Variants in SCN8A observed in about 807,000 individuals in gnomAD.
SCN8A encodes the protein sodium channel protein type 8 subunit alpha.
A neutral mutation model predicts 184.1 loss-of-function variants in SCN8A; 30 were observed. That is an observed-to-expected ratio of 0.16 (90% CI 0.12 to 0.22). The LOEUF is 0.22. SCN8A is among the 10% of genes least tolerant of loss of function. SCN8A has a pLI of 1.00. For missense variants in SCN8A, 1,057 were observed against 2,498.9 expected (o/e 0.42, Z 12.30); for synonymous variants, 852 against 907.0 (o/e 0.94, Z 1.09).
chr12:51,677,066 A>G (rs1391162004), intron 2 of SCN8A, among the ~76,000 whole-genome samples: 1 of 110,738 alleles, frequency 9.0e-6, no homozygotes, highest in South Asian at 3.4e-4. Context: ...GTTTTATTTT[A>G]TTTTATTTTA....
At chr12:51,690,397 G>A (rs1280341736) in intron 6 of SCN8A, among the ~76,000 whole-genome samples, 1 of 151,942 alleles carries the variant, frequency 6.6e-6, no homozygotes, top group Non-Finnish European at 1.5e-5. Context: ...TCACTCTGTT[G>A]CCCAGGCTGG....
At chr12:51,746,365 A>G (rs1027196584) in intron 13 of SCN8A, among the ~76,000 whole-genome samples, 1 of 152,202 alleles carries the variant, frequency 6.6e-6, no homozygotes, top group Non-Finnish European at 1.5e-5. Context: ...GCATAAAGGA[A>G]TGTAGACTGA....
rs1937892046 is a variant in SCN8A at position 51,780,663 on chromosome 12, C to T, written c.3834C>T (p.Ser1278=). The change falls in exon 21 of 27, where the codon AGC becomes AGT. Residue 1278 remains serine, a synonymous_variant. Coordinates refer to ENST00000627620, the MANE Select transcript of SCN8A (RefSeq NM_001330260.2). ...TTTCTGTGTAGGTCTCTTTAGTCAG[C>T]CTTATAGCTAATGCCCTGGGCTACT... ...DFLIVAVSLV[S]LIANALGYSE... 3 of 1,479,962 alleles carry T rather than the reference C, an allele frequency of 2.0e-6. No individual in the cohort carries two copies. Among genetic ancestry groups the T allele is most frequent in the Admixed American group, 2.2e-5 (1 of 46,498 alleles). The allele number at this position is 1,479,962 out of a possible 1,614,324, so 91.7% of individuals were successfully genotyped here.
chr12:51,769,841 T>C, intron 17 of SCN8A, 27 bp from the exon 18 acceptor site: 5 of 1,491,930 alleles, frequency 3.4e-6, no homozygotes, highest in Non-Finnish European at 4.6e-6. Context: ...CAGAGCTGCC[T>C]GATCTCCCTT....
rs771642863 is a variant in SCN8A, at chr12:51,788,787, G to A, written c.4281+39G>A. On this transcript the variant is annotated intron_variant, in intron 23 of 26. Coordinates refer to ENST00000627620, the MANE Select transcript of SCN8A (RefSeq NM_001330260.2). ...TGGCGAAAATACCACCTTCTCAGAT[G>A]GCTGGAAAGCAAGCAGCATGGTATA... 3.8e-6 allele frequency: 6 copies of A among 1,583,468 alleles called. No individual in the cohort carries two copies. The Admixed American group carries it at 6.8e-5, about 18-fold the overall frequency.
At chr12:51,746,796 G>A (rs1319080164) in intron 13 of SCN8A, among the ~76,000 whole-genome samples, 1 of 152,194 alleles carries the variant, frequency 6.6e-6, no homozygotes, top group East Asian at 1.9e-4. Flanking sequence ...GTTATGGTCT[G>A]TAGTCCAGGA....
At chr12:51,648,023 G>A (rs2138645701) in intron 1 of SCN8A, among the ~76,000 whole-genome samples, 1 of 133,540 alleles carries the variant, frequency 7.5e-6, no homozygotes, top group South Asian at 2.4e-4. Flanking sequence ...AAAGATGGTG[G>A]CGTGAGGTGT....
chr12:51,788,593 TC>T (rs1415380765), intron 22 of SCN8A, 101 bp from the exon 23 acceptor site: 8 of 776,572 alleles, frequency 1.0e-5, no homozygotes, highest in Middle Eastern at 2.4e-4. Flanking sequence ...AAACCCCTGT[TC>T]TGTGTTCTCA....
chr12:51,674,740 A>C (rs1941193491), intron 2 of SCN8A, among the ~76,000 whole-genome samples: 1 of 152,148 alleles, frequency 6.6e-6, no homozygotes. Context: ...ACATTTAACG[A>C]GTGCCTGTTC....
chr12:51,740,117 G>A (rs1044192993), intron 12 of SCN8A, among the ~76,000 whole-genome samples: 1 of 152,204 alleles, frequency 6.6e-6, no homozygotes, highest in Non-Finnish European at 1.5e-5. Context: ...CACCCTGGGC[G>A]GGCCAGGTGT....
At chr12:51,709,453 G>C (rs544910589) in intron 11 of SCN8A, among the ~76,000 whole-genome samples, 1 of 152,370 alleles carries the variant, frequency 6.6e-6, no homozygotes, top group Non-Finnish European at 1.5e-5. Flanking sequence ...AGAGGGCCAA[G>C]AGTTCAGTGA....
chr12:51,601,864 T>TG (rs1319649280), intron 1 of SCN8A, among the ~76,000 whole-genome samples: 2 of 150,038 alleles, frequency 1.3e-5, no homozygotes, highest in African/African-American at 4.9e-5. Flanking sequence ...GGTTTTTTTT[T>TG]TTTTTTTTTT....
chr12:51,762,574 A>G lies in SCN8A; in HGVS notation c.2442A>G (p.Gln814=). ...LIAMDPYYYF[Q]EGWNIFDGFI... ...CCATGGATCCCTACTATTATTTCCA[A>G]GAAGGTTGGAACATTTTTGACGGAT... The change falls in exon 15 of 27, where the codon CAA becomes CAG. Residue 814 remains glutamine (Q), a synonymous_variant. Coordinates refer to ENST00000627620, the MANE Select transcript of SCN8A (RefSeq NM_001330260.2). 1 of 1,613,576 alleles carries G rather than the reference A, an allele frequency of 6.2e-7. No individual in the cohort carries two copies. The highest frequency in any genetic ancestry group is 8.5e-7 in the Non-Finnish European group (1 of 1,179,748).
At chr12:51,685,096 A>G (rs1941398025) in intron 3 of SCN8A, among the ~76,000 whole-genome samples, 1 of 152,178 alleles carries the variant, frequency 6.6e-6, no homozygotes, top group Admixed American at 6.5e-5. Flanking sequence ...ACATTTTATT[A>G]ACTCTTGAGA....
rs145391245 is a variant in SCN8A, at chr12:51,710,512, G to A, written c.1635+3797G>A. Among the ~76,000 whole-genome samples, 4 of 152,098 alleles carry A rather than the reference G, an allele frequency of 2.6e-5. No homozygotes were observed. In the East Asian group the frequency reaches 5.8e-4, roughly 22 times the overall value. ...AGACCCCTGTCTCTACCAAAAAATT[G>A]GCCAGGCGTGGTGGCCCATGCCTGT... On this transcript the variant is annotated intron_variant, in intron 11 of 26. Transcript: ENST00000627620.
chr12:51,753,836 A>G (rs891269172), intron 14 of SCN8A, among the ~76,000 whole-genome samples: 4 of 152,174 alleles, frequency 2.6e-5, no homozygotes, highest in Admixed American at 6.5e-5. Flanking sequence ...AGAATTTTCA[A>G]AGATTTGGAG....
chr12:51,746,959 A>G lies in SCN8A; in HGVS notation c.2131+924A>G, dbSNP rs775934045. On this transcript the variant is annotated intron_variant, in intron 13 of 26. Transcript: ENST00000627620. ...ACTATTCTTGAGGCCTCAAATTGCT[A>G]TTCTTCAGAATGCAGATGCCTGGAA... 7.9e-5 allele frequency among the ~76,000 whole-genome samples: 12 copies of G among 152,164 alleles called. No homozygotes were observed. In the South Asian group the frequency reaches 1.9e-3, roughly 24 times the overall value.
chr12:51,700,439 T>G (rs909355649), intron 7 of SCN8A, among the ~76,000 whole-genome samples: 1 of 152,214 alleles, frequency 6.6e-6, no homozygotes, highest in Non-Finnish European at 1.5e-5. Flanking sequence ...TCTATGGAAC[T>G]CAAATTTTCT....
chr12:51,628,874 T>C (rs567590958), intron 1 of SCN8A, among the ~76,000 whole-genome samples: 1 of 152,354 alleles, frequency 6.6e-6, no homozygotes, highest in East Asian at 1.9e-4. Flanking sequence ...ACGGATGAGC[T>C]GGGCAACATG....
Sources: allele counts gnomAD v4.1 joint callset (sites outside exome capture counted in the v4.1 genomes callset), GRCh38; gene constraint gnomAD v4.1.1; transcripts MANE v1.5; gene names NCBI Gene and HGNC (gene_info 2026-07-23, HGNC 2026-07-21).